The following NFIA variants were observed in gnomAD, a reference collection of about 807,000 sequenced individuals.
The protein encoded by NFIA is nuclear factor 1 A-type.
A neutral mutation model predicts 62.8 loss-of-function variants in NFIA; 8 were observed. The observed-to-expected ratio is 0.13, with a 90% CI of 0.07 to 0.23. The LOEUF (loss-of-function observed/expected upper bound fraction) is 0.23. NFIA is among the 10% of genes least tolerant of loss of function. The probability of loss-of-function intolerance (pLI) is 1.00; values close to 1 mark genes in which losing one functional copy is unlikely to be tolerated. For missense variants in NFIA, 410 were observed against 642.1 expected (o/e 0.64, Z 3.91); for synonymous variants, 235 against 238.1 (o/e 0.99, Z 0.12).
At chr1:61,297,343 C>T (rs1659241562) in intron 3 of NFIA, among the ~76,000 whole-genome samples, 1 of 152,152 alleles carries the variant, frequency 6.6e-6, no homozygotes, top group Non-Finnish European at 1.5e-5. Flanking sequence ...TTAACCTTAG[C>T]AGGGCTGAGT....
chr1:61,395,729 A>G (rs1407406188), intron 7 of NFIA, among the ~76,000 whole-genome samples: 2 of 152,192 alleles, frequency 1.3e-5, no homozygotes, highest in Non-Finnish European at 1.5e-5. Context: ...TAGTGTGAGA[A>G]TATGGTCAAT....
At chr1:61,113,616 AGAG>A (rs1169833662) in intron 2 of NFIA, among the ~76,000 whole-genome samples, 17 of 148,506 alleles carry the variant, frequency 1.1e-4, no homozygotes, top group Admixed American at 8.2e-4. Flanking sequence ...AAAAAAAAAA[AGAG>A]AATATGTTTG....
At chr1:61,249,740 G>C (rs1448607361) in intron 2 of NFIA, among the ~76,000 whole-genome samples, 1 of 152,144 alleles carries the variant, frequency 6.6e-6, no homozygotes, top group East Asian at 1.9e-4. Context: ...GGGAGGCGGA[G>C]GTTGCAGTGA....
At chr1:61,139,803 G>A (rs1647362401) in intron 2 of NFIA, among the ~76,000 whole-genome samples, 2 of 144,636 alleles carry the variant, frequency 1.4e-5, no homozygotes, top group African/African-American at 5.2e-5. Flanking sequence ...AAGTTGATAA[G>A]CATCAGGCTA....
intron 2 of NFIA, among the ~76,000 whole-genome samples, chr1:61,266,652 G>A (rs577553354): frequency 2.6e-5 from 4 of 151,956 alleles, no homozygotes; most frequent in Admixed American, 6.6e-5. Context: ...TGCCCACCTC[G>A]GCCTCCCAAA....
chr1:61,426,656 C>G (rs561975696), intron 10 of NFIA, 100 bp downstream of exon 10: 61 of 854,842 alleles, frequency 7.1e-5, no homozygotes, highest in Admixed American at 2.1e-4. Flanking sequence ...TTTCCAGACC[C>G]TGTCCAGTCT....
rs545390035 is a variant in NFIA at position 61,207,741 on chromosome 1, A to G, written c.560-69779A>G. ...GTGAAAAGCCTTCTCTGGTGCTGCC[A>G]TTTCCATCACTGTTTCTGCCTCCTT... On this transcript the variant is annotated intron_variant, in intron 2 of 10. Transcript: ENST00000403491. Among the ~76,000 whole-genome samples, 216 of 152,344 alleles carry G rather than the reference A, an allele frequency of 1.4e-3. 1 individual carries two copies. Among genetic ancestry groups the G allele is most frequent in the African/African-American group, 4.9e-3 (204 of 41,576 alleles).
intron 7 of NFIA, among the ~76,000 whole-genome samples, chr1:61,386,474 G>C (rs926056109): frequency 1.3e-5 from 2 of 152,288 alleles, no homozygotes; most frequent in East Asian, 1.9e-4. Context: ...TTAGCACTAG[G>C]TTGTGAGGCT....
chr1:61,106,121 A>G (rs1385779631), intron 2 of NFIA, among the ~76,000 whole-genome samples: 1 of 151,194 alleles, frequency 6.6e-6, no homozygotes, highest in Admixed American at 6.6e-5. Context: ...CTATCTATCT[A>G]TCTATCTATC....
intron 1 of NFIA, among the ~76,000 whole-genome samples, chr1:61,083,507 C>T (rs989765238): frequency 4.6e-5 from 7 of 152,034 alleles, no homozygotes; most frequent in Admixed American, 2.0e-4. Context: ...GGGCAGGCTG[C>T]GGCTAGCCCT....
In NFIA at chr1:61,457,843, A is replaced by C. The variant is rs984369954; in HGVS notation, c.*2523A>C. 4.6e-4 allele frequency: 70 copies of C among 152,066 alleles called. No homozygotes were observed. Among genetic ancestry groups the C allele is most frequent in the African/African-American group, 1.7e-3 (70 of 41,416 alleles). The allele number at this position is 152,066 out of a possible 1,614,324, so 9.4% of individuals were successfully genotyped here. A position where few individuals can be genotyped will look rare whatever the true frequency, so the allele number is the denominator to read the frequency against. Reference sequence around the variant, plus strand: ...TTTCACAAGCAAGCCTTAAAAAAAAAAAAGACAACTTCCTTTTTCTTCAGC... The same window carrying C: ...TTTCACAAGCAAGCCTTAAAAAAAACAAAGACAACTTCCTTTTTCTTCAGC... On this transcript the variant is annotated 3_prime_UTR_variant, in exon 11 of 11. Coordinates refer to ENST00000403491, the MANE Select transcript of NFIA (RefSeq NM_001134673.4). The surrounding 1 kb of genome is among the most constrained non-coding windows in gnomAD (Gnocchi z 4.2).
In NFIA at chr1:61,178,027, A is replaced by G. The variant is rs879852794; in HGVS notation, c.559+89347A>G. Among the ~76,000 whole-genome samples the G allele has an allele frequency of 3.3e-5, 5 of 152,166 alleles. No homozygotes were observed. In the East Asian group the frequency reaches 9.6e-4, roughly 29 times the overall value. On this transcript the variant is annotated intron_variant, in intron 2 of 10. Coordinates refer to ENST00000403491, the MANE Select transcript of NFIA (RefSeq NM_001134673.4). ...TATGGCACCTTACAAGAGCTCATTT[A>G]TCTTATGTGGGTCCCTAGTTATTAC...
chr1:61,192,211 G>A (rs1221739502), intron 2 of NFIA, among the ~76,000 whole-genome samples: 1 of 152,070 alleles, frequency 6.6e-6, no homozygotes, highest in Non-Finnish European at 1.5e-5. Flanking sequence ...GCCCGCCTTG[G>A]CCTCCCAAAA....
intron 7 of NFIA, chr1:61,385,951 C>T (rs552842759): frequency 2.0e-5 from 3 of 152,302 alleles, no homozygotes; most frequent in South Asian, 2.1e-4. Flanking sequence ...TGTCCCACCC[C>T]GCTTAGTGGT....
Position 61,462,043 on chromosome 1 carries a change from G to GTTTTTTTTTTTTTTTTTTTT in NFIA, c.*6723_*6724insTTTTTTTTTTTTTTTTTTTT, listed in dbSNP as rs1668560526. On this transcript the variant is annotated 3_prime_UTR_variant, in exon 11 of 11. Coordinates refer to ENST00000403491, the MANE Select transcript of NFIA (RefSeq NM_001134673.4). The stretch of plus-strand genomic sequence containing the variant: ...TTTTGGGTTTTTTTTTTTTTTTTTT[G>GTTTTTTTTTTTTTTTTTTTT]GCTTTTTTTTTTGTTTGTTTTTTTT... 2 of 32,166 alleles carry GTTTTTTTTTTTTTTTTTTTT rather than the reference G, an allele frequency of 6.2e-5. No homozygotes were observed. The highest frequency in any genetic ancestry group is 1.7e-4 in the African/African-American group (1 of 6,040). The allele number at this position is 32,166 out of a possible 1,614,324, so 2.0% of individuals were successfully genotyped here. A position where few individuals can be genotyped will look rare whatever the true frequency, so the allele number is the denominator to read the frequency against.
At chr1:61,170,156 T>G (rs915368687) in intron 2 of NFIA, among the ~76,000 whole-genome samples, 6 of 152,166 alleles carry the variant, frequency 3.9e-5, no homozygotes, top group Non-Finnish European at 8.8e-5. Context: ...TCCTCATGCA[T>G]AGACAACTGT....
At chr1:61,299,538 A>C (rs1659383694) in intron 3 of NFIA, among the ~76,000 whole-genome samples, 1 of 152,220 alleles carries the variant, frequency 6.6e-6, no homozygotes, top group South Asian at 2.1e-4. Flanking sequence ...GTAGATAACA[A>C]ATTTGAGGAA....
chr1:61,317,096 TC>T (rs1660404686), intron 3 of NFIA, among the ~76,000 whole-genome samples: 1 of 152,100 alleles, frequency 6.6e-6, no homozygotes, highest in Non-Finnish European at 1.5e-5. Flanking sequence ...TAAATTAAAT[TC>T]AGTTTCCTAG....
At chr1:61,281,129 C>T (rs768211121) in intron 3 of NFIA, among the ~76,000 whole-genome samples, 1 of 151,798 alleles carries the variant, frequency 6.6e-6, no homozygotes, top group South Asian at 2.1e-4. Context: ...AATACCACTA[C>T]TCGGGAGGCT....
Sources: allele counts gnomAD v4.1 joint callset (sites outside exome capture counted in the v4.1 genomes callset), GRCh38; gene constraint gnomAD v4.1.1; non-coding constraint Gnocchi (gnomAD v3.1); transcripts MANE v1.5; gene names NCBI Gene and HGNC (gene_info 2026-07-23, HGNC 2026-07-21).